The following RBFOX1 variants were observed in gnomAD, a reference collection of about 807,000 sequenced individuals.
RBFOX1 encodes RNA binding protein fox-1 homolog 1.
Under a neutral mutation model 57.7 loss-of-function variants are expected in RBFOX1, and 8 were observed. That is an observed-to-expected ratio of 0.14 (90% CI 0.08 to 0.25). RBFOX1 has a LOEUF of 0.25. Among genes scored for constraint, RBFOX1 ranks in the 10% least tolerant of loss-of-function variants. The probability of loss-of-function intolerance (pLI) is 1.00; values close to 1 mark genes in which losing one functional copy is unlikely to be tolerated. For missense variants in RBFOX1, 611 were observed against 548.5 expected, an observed-to-expected ratio of 1.11 and a Z score of -1.14; for synonymous variants, 326 against 222.4, an observed-to-expected ratio of 1.47 and a Z score of -4.15.
chr16:6,187,042 A>G (rs149266698), intron 1 of RBFOX1, among the ~76,000 whole-genome samples: 2,516 of 152,232 alleles, frequency 0.017, 25 homozygotes, highest in Non-Finnish European at 0.024. Context: ...TTTGATATCC[A>G]TTTGGCATGT....
At chr16:7,241,951 G>T (rs376277312) in intron 4 of RBFOX1, among the ~76,000 whole-genome samples, 5 of 151,974 alleles carry the variant, frequency 3.3e-5, no homozygotes, top group African/African-American at 1.2e-4. Flanking sequence ...CTGCATATGC[G>T]TGTGTATATA....
chr16:6,963,168 C>G (rs927821977), intron 3 of RBFOX1, among the ~76,000 whole-genome samples: 1 of 152,114 alleles, frequency 6.6e-6, no homozygotes. Context: ...CCACCCAAGC[C>G]TAGCACTGCT....
intron 11 of RBFOX1, among the ~76,000 whole-genome samples, chr16:7,650,024 GAA>G (rs987696751): frequency 1.7e-4 from 7 of 42,006 alleles, no homozygotes; most frequent in Non-Finnish European, 4.1e-4. Context: ...ACAAAAGGAA[GAA>G]AGAGGGAGGG....
At chr16:7,001,825 T>C (rs867542053) in intron 3 of RBFOX1, among the ~76,000 whole-genome samples, 1 of 152,154 alleles carries the variant, frequency 6.6e-6, no homozygotes, top group Non-Finnish European at 1.5e-5. Flanking sequence ...TGTGAACATC[T>C]TTATTATTAT....
intron 2 of RBFOX1, among the ~76,000 whole-genome samples, chr16:5,495,066 A>G (rs895814772): frequency 4.6e-5 from 7 of 152,202 alleles, no homozygotes; most frequent in Admixed American, 6.5e-5. Context: ...TATGGAGGAA[A>G]GAGGTTTAAT....
At chr16:5,513,277 G>A (rs1279713469) in intron 2 of RBFOX1, among the ~76,000 whole-genome samples, 1 of 152,154 alleles carries the variant, frequency 6.6e-6, no homozygotes, top group Non-Finnish European at 1.5e-5. Flanking sequence ...GTATGTTGTA[G>A]AATATACATC....
At chr16:6,288,240 G>GT (rs5815296) in intron 1 of RBFOX1, among the ~76,000 whole-genome samples, 2 of 152,062 alleles carry the variant, frequency 1.3e-5, no homozygotes, top group Admixed American at 1.3e-4. Context: ...GGTGTGAACG[G>GT]TTTTTTTATA....
At chr16:5,612,392 C>A (rs1392574839) in intron 3 of RBFOX1, among the ~76,000 whole-genome samples, 1 of 152,146 alleles carries the variant, frequency 6.6e-6, no homozygotes, top group Non-Finnish European at 1.5e-5. Context: ...TCCTGTGAAG[C>A]TGCTAAGGTT....
chr16:7,126,598 G>T, intron 4 of RBFOX1: 1 of 179,814 alleles, frequency 5.6e-6, no homozygotes, highest in Non-Finnish European at 1.2e-5. Context: ...TGTGGCTGCA[G>T]CCCTTTTTGG....
At chr16:6,694,198 A>C (rs756635436) in intron 3 of RBFOX1, among the ~76,000 whole-genome samples, 1 of 152,148 alleles carries the variant, frequency 6.6e-6, no homozygotes, top group Non-Finnish European at 1.5e-5. Context: ...CTTTAGGGCA[A>C]CTTCTATTGC....
At chr16:5,843,062 C>A (rs113480665) in intron 3 of RBFOX1, among the ~76,000 whole-genome samples, 21 of 152,036 alleles carry the variant, frequency 1.4e-4, no homozygotes, top group Non-Finnish European at 2.8e-4. Flanking sequence ...CTCCTGACCT[C>A]GTGATTCACC....
At chr16:6,199,614 C>G (rs968713856) in intron 1 of RBFOX1, among the ~76,000 whole-genome samples, 1 of 152,142 alleles carries the variant, frequency 6.6e-6, no homozygotes, top group Admixed American at 6.5e-5. Flanking sequence ...TTTGTATTAA[C>G]TAAATAATAC....
At chr16:7,589,869 G>T (rs1469748690) in intron 7 of RBFOX1, among the ~76,000 whole-genome samples, 1 of 150,760 alleles carries the variant, frequency 6.6e-6, no homozygotes, top group Non-Finnish European at 1.5e-5. Flanking sequence ...CTCTAGAGCA[G>T]TTCTTCAGGC....
chr16:6,242,601 T>G (rs1474788918), intron 1 of RBFOX1, among the ~76,000 whole-genome samples: 1 of 146,644 alleles, frequency 6.8e-6, no homozygotes, highest in African/African-American at 2.5e-5. Flanking sequence ...GCATTTACGT[T>G]CAGTTTGAGA....
chr16:7,543,014 G>T (rs749465612), intron 5 of RBFOX1, among the ~76,000 whole-genome samples: 9 of 152,172 alleles, frequency 5.9e-5, no homozygotes, highest in Non-Finnish European at 1.3e-4. Flanking sequence ...GCTCTAGGTT[G>T]CATCTCAGTG....
intron 5 of RBFOX1, among the ~76,000 whole-genome samples, chr16:7,571,555 G>A (rs1320397767): frequency 6.6e-6 from 1 of 152,136 alleles, no homozygotes; most frequent in African/African-American, 2.4e-5. Flanking sequence ...AAGTGCCAGT[G>A]GTGTTTTCTT....
chr16:6,536,382 T>C (rs2096735828), intron 2 of RBFOX1, among the ~76,000 whole-genome samples: 1 of 152,180 alleles, frequency 6.6e-6, no homozygotes. Context: ...ACTCCAAATG[T>C]TTTGCACATT....
intron 1 of RBFOX1, among the ~76,000 whole-genome samples, chr16:5,301,339 GC>G (rs141655748): frequency 0.017 from 2,639 of 152,172 alleles, 80 homozygotes; most frequent in East Asian, 0.12. Context: ...TGAGCTTAGG[GC>G]TAGGTGCGGT....
At chr16:7,152,024 C>T (rs535602519) in intron 4 of RBFOX1, among the ~76,000 whole-genome samples, 15 of 152,276 alleles carry the variant, frequency 9.9e-5, no homozygotes, top group African/African-American at 2.6e-4. Flanking sequence ...ACTAGGCCAT[C>T]GCCTGAGGTT....
Sources: allele counts gnomAD v4.1 joint callset (sites outside exome capture counted in the v4.1 genomes callset), GRCh38; gene constraint gnomAD v4.1.1; transcripts MANE v1.5; gene names NCBI Gene and HGNC (gene_info 2026-07-23, HGNC 2026-07-21).